Variants in LONP2 observed in about 807,000 individuals in gnomAD.
LONP2 encodes lon protease homolog 2, peroxisomal.
LONP2 carries 60 observed loss-of-function variants against 85.6 expected under a neutral mutation model. That is an observed-to-expected ratio of 0.70 (90% CI 0.57 to 0.87). LONP2 has a LOEUF of 0.87. Among genes scored for constraint, LONP2 ranks in the 40% least tolerant of loss-of-function variants. LONP2 has a pLI of 0.00. For missense variants in LONP2, 860 were observed against 1,063.5 expected (o/e 0.81, Z 2.66); for synonymous variants, 395 against 389.7 (o/e 1.01, Z -0.16).
At chr16:48,277,254 A>C in intron 7 of LONP2, 84 bp from the exon 8 acceptor site, 1 of 1,347,946 alleles carries the variant, frequency 7.4e-7, no homozygotes, top group Non-Finnish European at 1.0e-6. Context: ...TGATCTTTTC[A>C]CATTCCTAAG....
intron 10 of LONP2, 94 bp from the exon 11 acceptor site, chr16:48,303,078 T>C: frequency 5.8e-6 from 8 of 1,382,462 alleles, no homozygotes; most frequent in African/African-American, 1.4e-5. Context: ...AACTTTTAAA[T>C]GTACACTGTT....
intron 8 of LONP2, among the ~76,000 whole-genome samples, 175 bp from the exon 9 acceptor site, chr16:48,295,840 G>A (rs1477235704): frequency 6.6e-6 from 1 of 152,180 alleles, no homozygotes; most frequent in East Asian, 1.9e-4. Context: ...TTTTTAAAAA[G>A]TATGTAGAAT....
intron 1 of LONP2, among the ~76,000 whole-genome samples, 200 bp downstream of exon 1, chr16:48,244,821 G>A (rs1441538588): frequency 6.6e-6 from 1 of 152,226 alleles, no homozygotes; most frequent in Non-Finnish European, 1.5e-5. Context: ...CGTTCATGAA[G>A]TAGTGCCTGA....
chr16:48,283,585 A>G (rs938864826), intron 8 of LONP2, among the ~76,000 whole-genome samples: 1 of 152,196 alleles, frequency 6.6e-6, no homozygotes, highest in African/African-American at 2.4e-5. Context: ...TGTTTATAGC[A>G]TGGTTTTACT....
At chr16:48,351,466 T>G (rs1325776348) in intron 14 of LONP2, 115 bp from the exon 15 acceptor site, 16 of 765,286 alleles carry the variant, frequency 2.1e-5, no homozygotes, top group Non-Finnish European at 3.3e-5. Flanking sequence ...AAACGGAAGA[T>G]GATTTGGATG....
chr16:48,311,873 C>T (rs1168452987), intron 11 of LONP2, among the ~76,000 whole-genome samples: 1 of 150,808 alleles, frequency 6.6e-6, no homozygotes, highest in Non-Finnish European at 1.5e-5. Flanking sequence ...CCTCCTTCCT[C>T]TTGCCTTGGC....
chr16:48,306,609 A>G (rs770373495), intron 11 of LONP2, among the ~76,000 whole-genome samples: 7 of 152,160 alleles, frequency 4.6e-5, no homozygotes, highest in African/African-American at 7.2e-5. Flanking sequence ...AGGCATAGGT[A>G]TGGACTCCAA....
rs771807850 is a variant in LONP2, at chr16:48,261,391, C to T, written c.724-33C>T. ...GTACTTCGTTTCCAATTTATTTTGA[C>T]ATACGGTTTTACTTTTCTGCTTTCT... On this transcript the variant is annotated intron_variant, in intron 4 of 14. Transcript: ENST00000285737. The T allele has an allele frequency of 4.0e-6, 6 of 1,506,540 alleles. No individual in the cohort carries two copies. In the South Asian group the frequency reaches 5.3e-5, roughly 13 times the overall value. The allele number at this position is 1,506,540 out of a possible 1,614,324, so 93.3% of individuals were successfully genotyped here.
intron 11 of LONP2, among the ~76,000 whole-genome samples, chr16:48,313,107 G>A (rs990305502): frequency 1.3e-5 from 2 of 152,114 alleles, no homozygotes; most frequent in East Asian, 1.9e-4. Flanking sequence ...CTTCAGAATT[G>A]GGTTGGCTAT....
At chr16:48,341,803 G>T (rs1410062226) in intron 12 of LONP2, among the ~76,000 whole-genome samples, 1 of 152,234 alleles carries the variant, frequency 6.6e-6, no homozygotes, top group Non-Finnish European at 1.5e-5. Flanking sequence ...GGGAGGAGCA[G>T]GAGTGGGTGC....
intron 6 of LONP2, among the ~76,000 whole-genome samples, chr16:48,265,352 C>A (rs150153742): frequency 3.6e-4 from 54 of 152,052 alleles, no homozygotes; most frequent in African/African-American, 1.3e-3. Context: ...AGTTTCAGGC[C>A]TTACATTTAA....
intron 6 of LONP2, 108 bp downstream of exon 6, chr16:48,262,980 TTTG>T (rs1307423459): frequency 2.8e-6 from 2 of 724,038 alleles, no homozygotes; most frequent in African/African-American, 1.8e-5. Flanking sequence ...TTAAATTATT[TTTG>T]TTTTCAATTT....
rs1216335215 is a variant in LONP2, at chr16:48,355,274, TGA to T, written c.*3476_*3477del. On this transcript the variant is annotated 3_prime_UTR_variant, in exon 15 of 15. Transcript: ENST00000285737. ...GAGGCTTTAGGAGGTGATTATGTCA[TGA>T]GAGCTCCATCCTCATTAATGGATTT... is the stretch of plus-strand genomic sequence containing the variant. 1 of 152,158 alleles carries T rather than the reference TGA, an allele frequency of 6.6e-6. No homozygotes were observed. The highest frequency in any genetic ancestry group is 1.5e-5 in the Non-Finnish European group (1 of 68,026). The allele number at this position is 152,158 out of a possible 1,614,324, so 9.4% of individuals were successfully genotyped here.
chr16:48,353,456 T>C lies in LONP2; in HGVS notation c.*1654T>C, dbSNP rs1960217568. Reference sequence around the variant, plus strand: ...CTGCAGTGAGCCAAGATCACGCCACTGCACTCCAGCACCCTGGGCGACAGA... The same window carrying C: ...CTGCAGTGAGCCAAGATCACGCCACCGCACTCCAGCACCCTGGGCGACAGA... On this transcript the variant is annotated 3_prime_UTR_variant, in exon 15 of 15. Coordinates refer to ENST00000285737, the MANE Select transcript of LONP2 (RefSeq NM_031490.5). The C allele has an allele frequency of 7.1e-6, 1 of 140,826 alleles. No individual in the cohort carries two copies. The highest frequency in any genetic ancestry group is 2.2e-4 in the South Asian group (1 of 4,522). The allele number at this position is 140,826 out of a possible 1,614,324, so 8.7% of individuals were successfully genotyped here.
downstream of LONP2, chr16:48,361,285 C>T: frequency 3.1e-6 from 1 of 321,594 alleles, no homozygotes; most frequent in Non-Finnish European, 5.9e-6. Flanking sequence ...AATCAATCTA[C>T]AACAAACACA....
intron 10 of LONP2, among the ~76,000 whole-genome samples, chr16:48,302,504 A>T (rs561401468): frequency 6.6e-6 from 1 of 152,228 alleles, no homozygotes; most frequent in African/African-American, 2.4e-5. Context: ...GTTTCACTAT[A>T]TAATGGTCTG....
chr16:48,248,771 T>C (rs1297728724), intron 1 of LONP2, among the ~76,000 whole-genome samples: 1 of 151,856 alleles, frequency 6.6e-6, no homozygotes, highest in Non-Finnish European at 1.5e-5. Context: ...TACTCCCATC[T>C]ACTCATGATG....
intron 11 of LONP2, among the ~76,000 whole-genome samples, chr16:48,331,627 C>T (rs1051134692): frequency 4.7e-5 from 7 of 150,528 alleles, no homozygotes; most frequent in African/African-American, 7.3e-5. Flanking sequence ...TGCAGTGGCG[C>T]GATCTCCGCT....
rs943526115 is a variant in LONP2 at position 48,334,743 on chromosome 16, G to A, written c.1938+385G>A. 14 of 546,672 alleles carry A rather than the reference G, an allele frequency of 2.6e-5. 1 individual carries two copies. The highest frequency in any genetic ancestry group is 6.1e-5 in the Admixed American group (3 of 49,072). 33.9% of individuals were successfully genotyped at this position (546,672 alleles called of 1,614,324 possible). ...TCAAATATCAGACACTGCTGGTCAG[G>A]TAAGATGCCCTACCTGTCTTGAATT... On this transcript the variant is annotated intron_variant, in intron 12 of 14. Transcript: ENST00000285737.
Sources: allele counts gnomAD v4.1 joint callset (sites outside exome capture counted in the v4.1 genomes callset), GRCh38; gene constraint gnomAD v4.1.1; transcripts MANE v1.5; gene names NCBI Gene and HGNC (gene_info 2026-07-23, HGNC 2026-07-21).